EPHA6: variants seen among roughly 807,000 people sequenced by gnomAD.
The protein encoded by EPHA6 is EPH receptor A6, also known as ephrin type-A receptor 6.
Under a neutral mutation model 112.0 loss-of-function variants are expected in EPHA6, and 50 were observed. That is an observed-to-expected ratio of 0.45 (90% CI 0.36 to 0.56). The LOEUF (loss-of-function observed/expected upper bound fraction) is 0.56. EPHA6 is among the 20% of genes least tolerant of loss of function. The pLI is 0.00. For synonymous variants in EPHA6, 529 were observed against 490.7 expected (o/e 1.08, Z -1.03); for missense variants, 1,280 against 1,417.4 (o/e 0.90, Z 1.56).
At chr3:97,296,355 G>A (rs2080874096) in intron 5 of EPHA6, among the ~76,000 whole-genome samples, 1 of 152,174 alleles carries the variant, frequency 6.6e-6, no homozygotes, top group Non-Finnish European at 1.5e-5. Flanking sequence ...ACTGGGATGG[G>A]GGCAGTGCAA....
chr3:96,971,190 A>T (rs1313638528), intron 2 of EPHA6, among the ~76,000 whole-genome samples: 1 of 152,064 alleles, frequency 6.6e-6, no homozygotes, highest in Admixed American at 6.6e-5. Flanking sequence ...TGACAGTTTT[A>T]TGGGATAATC....
chr3:97,578,023 A>G (rs1270557095), intron 11 of EPHA6, among the ~76,000 whole-genome samples: 1 of 152,186 alleles, frequency 6.6e-6, no homozygotes, highest in Non-Finnish European at 1.5e-5. Flanking sequence ...TAGAACAGCC[A>G]AAATTACATC....
chr3:97,333,000 C>A (rs1210932051), intron 5 of EPHA6, among the ~76,000 whole-genome samples: 2 of 151,872 alleles, frequency 1.3e-5, no homozygotes, highest in Non-Finnish European at 2.9e-5. Context: ...CTACAGAAAA[C>A]TTTGTTTTCA....
chr3:97,473,107 A>G (rs1457012821), intron 7 of EPHA6, among the ~76,000 whole-genome samples: 3 of 151,730 alleles, frequency 2.0e-5, no homozygotes, highest in Non-Finnish European at 4.4e-5. Flanking sequence ...GGTTTTTATA[A>G]TCATCCCAGC....
intron 5 of EPHA6, among the ~76,000 whole-genome samples, chr3:97,297,676 T>C (rs2080924090): frequency 6.6e-6 from 1 of 152,236 alleles, no homozygotes; most frequent in South Asian, 2.1e-4. Flanking sequence ...TGGCATACTA[T>C]ATCTTGACAT....
chr3:97,447,255 A>T (rs776805423), intron 6 of EPHA6, among the ~76,000 whole-genome samples: 1 of 152,172 alleles, frequency 6.6e-6, no homozygotes, highest in Non-Finnish European at 1.5e-5. Flanking sequence ...ATGAAGTTTG[A>T]CCTATTCTCC....
intron 5 of EPHA6, among the ~76,000 whole-genome samples, chr3:97,368,613 A>G (rs889483640): frequency 2.6e-5 from 4 of 152,168 alleles, no homozygotes; most frequent in African/African-American, 9.6e-5. Context: ...AACCTGTTTC[A>G]ATGATGATAT....
rs1019418550 is a variant in EPHA6, at chr3:96,815,014, G to A, written c.385+6G>A. On this transcript the variant is annotated splice_donor_region_variant and intron_variant, in intron 1 of 17. Coordinates refer to ENST00000389672, the MANE Select transcript of EPHA6 (RefSeq NM_001080448.3). The stretch of plus-strand genomic sequence containing the variant: ...TCACGTCTCCAACAACCAAGGTAAG[G>A]GACGGGGCGGAGGAGCGGGAGTGGG... The A allele has an allele frequency of 6.6e-6, 10 of 1,506,918 alleles. No individual in the cohort carries two copies. The African/African-American group carries it at 9.7e-5, about 15-fold the overall frequency. 93.3% of individuals were successfully genotyped at this position (1,506,918 alleles called of 1,614,324 possible).
intron 3 of EPHA6, among the ~76,000 whole-genome samples, chr3:97,091,364 C>T (rs1425990741): frequency 6.6e-6 from 1 of 152,098 alleles, no homozygotes; most frequent in Non-Finnish European, 1.5e-5. Context: ...ACAAAAATAT[C>T]TGGAGATCAA....
At chr3:97,178,595 T>C (rs911919223) in intron 3 of EPHA6, among the ~76,000 whole-genome samples, 3 of 152,158 alleles carry the variant, frequency 2.0e-5, no homozygotes, top group African/African-American at 7.2e-5. Flanking sequence ...CCTTTATGTT[T>C]GAAGGATATT....
chr3:97,416,069 T>A (rs1470981204), intron 6 of EPHA6, among the ~76,000 whole-genome samples: 1 of 152,056 alleles, frequency 6.6e-6, no homozygotes, highest in Non-Finnish European at 1.5e-5. Context: ...TATAAAAATC[T>A]AAAACACCTA....
At chr3:97,193,635 C>T (rs1472111410) in intron 3 of EPHA6, among the ~76,000 whole-genome samples, 1 of 151,464 alleles carries the variant, frequency 6.6e-6, no homozygotes, top group Non-Finnish European at 1.5e-5. Flanking sequence ...ATATCTTTCT[C>T]TTATCTGATT....
At position 97,405,237 on chromosome 3, in the gene EPHA6, G is replaced by C; in HGVS notation, c.1694G>C (p.Gly565Ala). Residue 565 changes from glycine (G) to alanine (A), a missense_variant, in exon 6 of 18, where the codon GGA (glycine) becomes GCA (alanine). Physicochemically the swap from Gly to Ala is moderately conservative, Grantham distance 60 (BLOSUM62 0). Around this residue, in one of 4 missense-constraint regions of EPHA6, gnomAD observed 878 missense variants for 999.7 expected, o/e 0.88. Coordinates refer to ENST00000389672, the MANE Select transcript of EPHA6 (RefSeq NM_001080448.3). ...TGGCAAGCACCTGCTTTTTCCAATG[G>C]AGCCATTCTGGACTACGAGATCAAG... ...LSWQAPAFSN[G>A]AILDYEIKYY... 6.2e-7 allele frequency: 1 copy of C among 1,611,438 alleles called. No homozygotes were observed. Among genetic ancestry groups the C allele is most frequent in the Non-Finnish European group, 8.5e-7 (1 of 1,178,718 alleles).
intron 11 of EPHA6, among the ~76,000 whole-genome samples, chr3:97,536,099 C>T (rs1310283107): frequency 6.6e-6 from 1 of 152,064 alleles, no homozygotes; most frequent in African/African-American, 2.4e-5. Context: ...ATGCTTAGTA[C>T]ATACTTTTTC....
chr3:97,674,252 C>A (rs2031140973), intron 14 of EPHA6, among the ~76,000 whole-genome samples: 1 of 152,062 alleles, frequency 6.6e-6, no homozygotes, highest in African/African-American at 2.4e-5. Flanking sequence ...ATTCTACTAC[C>A]CACCTAAGGA....
chr3:97,109,088 T>C (rs961492043), intron 3 of EPHA6, among the ~76,000 whole-genome samples: 7 of 152,212 alleles, frequency 4.6e-5, no homozygotes, highest in Non-Finnish European at 7.3e-5. Flanking sequence ...GCCAAGTTTT[T>C]CCTATTAATG....
At chr3:96,981,196 T>C (rs1405994589) in intron 2 of EPHA6, among the ~76,000 whole-genome samples, 3 of 152,208 alleles carry the variant, frequency 2.0e-5, no homozygotes, top group Non-Finnish European at 4.4e-5. Flanking sequence ...TTGTCATAAA[T>C]AGCTCTTATT....
chr3:97,003,816 G>A (rs1175901899), intron 3 of EPHA6, among the ~76,000 whole-genome samples: 1 of 107,392 alleles, frequency 9.3e-6, no homozygotes, highest in African/African-American at 3.7e-5. Context: ...AGGCCCCAGT[G>A]TGTGATGTTC....
At chr3:96,831,250 G>C (rs575546241) in intron 1 of EPHA6, among the ~76,000 whole-genome samples, 25 of 151,948 alleles carry the variant, frequency 1.6e-4, no homozygotes, top group Non-Finnish European at 3.7e-4. Context: ...TGTCCTGTAT[G>C]TTTAAACTGT....
Sources: gnomAD v4.1 joint callset for allele counts (sites outside exome capture counted in the v4.1 genomes callset) on GRCh38, gnomAD v4.1.1 for gene constraint, gnomAD v4.1.1 regional missense constraint, MANE v1.5 for transcripts, NCBI Gene and HGNC (gene_info 2026-07-23, HGNC 2026-07-21) for gene names.